NOSTRIN: variants seen among roughly 807,000 people sequenced by gnomAD.
NOSTRIN encodes nitric oxide synthase trafficking, also known as BM247 homolog.
NOSTRIN carries 63 observed loss-of-function variants against 59.0 expected under a neutral mutation model. The ratio of observed to expected loss-of-function variants is 1.07; its 90% CI spans 0.87 to 1.32. NOSTRIN has a LOEUF of 1.32. Among genes scored for constraint, NOSTRIN ranks in the 40% most tolerant of loss-of-function variants. The pLI is 0.00. For missense variants in NOSTRIN, 512 were observed against 473.1 expected, an observed-to-expected ratio of 1.08 and a Z score of -0.76; for synonymous variants, 200 against 165.4, an observed-to-expected ratio of 1.21 and a Z score of -1.61.
upstream of NOSTRIN, among the ~76,000 whole-genome samples, chr2:168,797,220 G>C (rs1685508098): frequency 1.3e-5 from 2 of 150,868 alleles, no homozygotes; most frequent in South Asian, 4.2e-4. Context: ...CTCCTGAATA[G>C]CTGGGACTAC....
chr2:168,799,569 C>T (rs561430670), upstream of NOSTRIN, among the ~76,000 whole-genome samples: 1 of 152,302 alleles, frequency 6.6e-6, no homozygotes, highest in East Asian at 1.9e-4. Flanking sequence ...CCTCACAACC[C>T]ATATCCAGGA....
chr2:168,824,417 G>A lies in NOSTRIN; in HGVS notation c.114-217G>A, dbSNP rs371830801. Among the ~76,000 whole-genome samples the A allele has an allele frequency of 5.9e-5, 9 of 152,042 alleles. No individual in the cohort carries two copies. The East Asian group carries it at 9.7e-4, about 16-fold the overall frequency. ...ATGCTCAAGCGATTCTCGCACCTCA[G>A]CCTCCCAAGTAGCTGGGATTATAGG... On this transcript the variant is annotated intron_variant, in intron 2 of 15. Coordinates refer to ENST00000317647, the MANE Select transcript of NOSTRIN (RefSeq NM_001039724.4).
intron 1 of NOSTRIN, among the ~76,000 whole-genome samples, chr2:168,808,570 G>C (rs987562950): frequency 6.6e-6 from 1 of 152,174 alleles, no homozygotes; most frequent in African/African-American, 2.4e-5. Flanking sequence ...CTGCTTTGCT[G>C]TGGGCTGGAG....
chr2:168,796,064 C>T (rs989234830), upstream of NOSTRIN, among the ~76,000 whole-genome samples: 2 of 152,212 alleles, frequency 1.3e-5, no homozygotes, highest in African/African-American at 4.8e-5. Flanking sequence ...TGATCCCAGA[C>T]TGAAAATAAG....
At chr2:168,846,301 CTCAG>C (rs1396563001) in intron 8 of NOSTRIN, among the ~76,000 whole-genome samples, 1 of 152,136 alleles carries the variant, frequency 6.6e-6, no homozygotes, top group African/African-American at 2.4e-5. Flanking sequence ...GTTAGGGTCT[CTCAG>C]TTTCATTTTT....
intron 7 of NOSTRIN, 93 bp downstream of exon 7, chr2:168,834,418 CCTT>C (rs1687553328): frequency 4.3e-6 from 3 of 701,498 alleles, no homozygotes; most frequent in African/African-American, 1.8e-5. Context: ...GTTGATTCCT[CCTT>C]CTCTGTGGGA....
intron 7 of NOSTRIN, among the ~76,000 whole-genome samples, chr2:168,838,930 C>T (rs1687899370): frequency 6.6e-6 from 1 of 151,824 alleles, no homozygotes; most frequent in Non-Finnish European, 1.5e-5. Context: ...ATTACAGGCA[C>T]TCACCACCAT....
chr2:168,829,954 T>G (rs1400781086), intron 5 of NOSTRIN, among the ~76,000 whole-genome samples: 1 of 152,120 alleles, frequency 6.6e-6, no homozygotes, highest in African/African-American at 2.4e-5. Context: ...TTTTAAAAAT[T>G]TTATTCAAAC....
rs1208288448 is a variant in NOSTRIN, at chr2:168,865,176, C to T, written c.*206C>T. The T allele has an allele frequency of 6.9e-6, 4 of 578,920 alleles. No individual in the cohort carries two copies. Among genetic ancestry groups the T allele is most frequent in the Non-Finnish European group, 8.9e-6 (3 of 337,488 alleles). 35.9% of individuals were successfully genotyped at this position (578,920 alleles called of 1,614,324 possible). ...TGGGTGGAGACAGACAAGGAAGAGG[C>T]TCCTTGGTTCCTAGAGGAGTTTCCA... On this transcript the variant is annotated 3_prime_UTR_variant, in exon 16 of 16. Coordinates refer to ENST00000317647, the MANE Select transcript of NOSTRIN (RefSeq NM_001039724.4).
At chr2:168,837,300 CTTTTTTTTTT>C (rs761309524) in intron 7 of NOSTRIN, among the ~76,000 whole-genome samples, 8 of 62,162 alleles carry the variant, frequency 1.3e-4, no homozygotes, top group East Asian at 4.8e-4. Context: ...TTTTTAACAT[CTTTTTTTTTT>C]TTTTTTTTTT....
chr2:168,834,397 C>G, intron 7 of NOSTRIN, 72 bp downstream of exon 7: 1 of 779,306 alleles, frequency 1.3e-6, no homozygotes, highest in Non-Finnish European at 2.3e-6. Flanking sequence ...GCTACGAACA[C>G]AAGAGAACGG....
chr2:168,790,014 T>C (rs1685307135), intron 2 of NOSTRIN, among the ~76,000 whole-genome samples: 1 of 152,184 alleles, frequency 6.6e-6, no homozygotes, highest in Non-Finnish European at 1.5e-5. Context: ...GGAACAGTCC[T>C]AACAGGCCCC....
At chr2:168,804,160 G>T (rs1022775836) in intron 1 of NOSTRIN, among the ~76,000 whole-genome samples, 4 of 152,218 alleles carry the variant, frequency 2.6e-5, no homozygotes, top group Admixed American at 6.5e-5. Context: ...AGACAGCAAA[G>T]TCAAGTCTTC....
chr2:168,812,432 C>A (rs1053962678), intron 2 of NOSTRIN, among the ~76,000 whole-genome samples: 11 of 152,164 alleles, frequency 7.2e-5, no homozygotes, highest in Non-Finnish European at 1.5e-4. Context: ...AACATAATTT[C>A]TTTTCTGTCG....
At chr2:168,819,121 A>G (rs1686580557) in intron 2 of NOSTRIN, among the ~76,000 whole-genome samples, 1 of 152,178 alleles carries the variant, frequency 6.6e-6, no homozygotes, top group Admixed American at 6.5e-5. Context: ...TAATGAGGGA[A>G]TGAAAATTTC....
chr2:168,816,069 T>C (rs965356113), intron 2 of NOSTRIN, among the ~76,000 whole-genome samples: 2 of 152,228 alleles, frequency 1.3e-5, no homozygotes, highest in African/African-American at 4.8e-5. Flanking sequence ...TGCCTAGAAG[T>C]GCTGCCTTAT....
rs892386446 is a variant in NOSTRIN, at chr2:168,845,796, T to C, written c.630+2679T>C. 9.9e-5 allele frequency among the ~76,000 whole-genome samples: 15 copies of C among 151,530 alleles called. 1 individual carries two copies. The East Asian group carries it at 1.7e-3, about 18-fold the overall frequency. On this transcript the variant is annotated intron_variant, in intron 8 of 15. Coordinates refer to ENST00000317647, the MANE Select transcript of NOSTRIN (RefSeq NM_001039724.4). ...AGTTTTAGTTTTTTTCTTCCTTTTT[T>C]TTTTTTTTTTTGTTAGAATCCAAGT...
At chr2:168,803,413 A>G (rs1685691840) in intron 1 of NOSTRIN, among the ~76,000 whole-genome samples, 1 of 152,230 alleles carries the variant, frequency 6.6e-6, no homozygotes, top group South Asian at 2.1e-4. Context: ...CTGAAAAGCT[A>G]AGATTGGTGA....
At chr2:168,840,456 G>A (rs1441598423) in intron 7 of NOSTRIN, among the ~76,000 whole-genome samples, 1 of 148,924 alleles carries the variant, frequency 6.7e-6, no homozygotes, top group Non-Finnish European at 1.5e-5. Context: ...CGTGAACCCC[G>A]GAGGCGGAGC....
Sources: allele counts gnomAD v4.1 joint callset (sites outside exome capture counted in the v4.1 genomes callset), GRCh38; gene constraint gnomAD v4.1.1; transcripts MANE v1.5; gene names NCBI Gene and HGNC (gene_info 2026-07-23, HGNC 2026-07-21).